PTPRG: variants seen among roughly 807,000 people sequenced by gnomAD.
PTPRG encodes the protein receptor-type tyrosine-protein phosphatase gamma.
Under a neutral mutation model 165.3 loss-of-function variants are expected in PTPRG, and 102 were observed. The ratio of observed to expected loss-of-function variants is 0.62; its 90% CI spans 0.53 to 0.73. PTPRG has a LOEUF of 0.73. Among genes scored for constraint, PTPRG ranks in the 30% least tolerant of loss-of-function variants. The pLI is 0.00. For synonymous variants in PTPRG, 675 were observed against 669.5 expected, an observed-to-expected ratio of 1.01 and a Z score of -0.13; for missense variants, 1,866 against 1,861.4, an observed-to-expected ratio of 1.00 and a Z score of -0.05.
chr3:61,841,829 C>T (rs1309792643), intron 2 of PTPRG, among the ~76,000 whole-genome samples: 1 of 139,912 alleles, frequency 7.1e-6, no homozygotes, highest in East Asian at 1.9e-4. Context: ...AAAACAAAAA[C>T]AAAACAAAAC....
intron 5 of PTPRG, among the ~76,000 whole-genome samples, chr3:62,132,303 T>G (rs1336163684): frequency 6.6e-6 from 1 of 152,218 alleles, no homozygotes. Flanking sequence ...GGCCTACTTT[T>G]AATAAAACAA....
intron 2 of PTPRG, among the ~76,000 whole-genome samples, chr3:61,931,629 CT>C (rs1421031689): frequency 2.6e-5 from 4 of 152,182 alleles, no homozygotes; most frequent in African/African-American, 9.7e-5. Flanking sequence ...CTAACCTTGA[CT>C]TTACTAATTT....
chr3:61,944,694 A>T lies in PTPRG; in HGVS notation c.191-44931A>T, dbSNP rs78425946. Among the ~76,000 whole-genome samples, 112 of 152,174 alleles carry T rather than the reference A, an allele frequency of 7.4e-4. 1 individual carries two copies. Among genetic ancestry groups the T allele is most frequent in the East Asian group, 7.0e-3 (36 of 5,176 alleles). On this transcript the variant is annotated intron_variant, in intron 2 of 29. Coordinates refer to ENST00000474889, the MANE Select transcript of PTPRG (RefSeq NM_002841.4). ...GTCAAAGTATAATCTTGAAAAAAAA[A>T]TTTTCTTTTTCAATTTTAATATAGT...
intron 2 of PTPRG, among the ~76,000 whole-genome samples, chr3:61,969,151 C>T (rs1323613556): frequency 6.6e-6 from 1 of 152,164 alleles, no homozygotes; most frequent in African/African-American, 2.4e-5. Context: ...TACAGGCCAA[C>T]TGCCTGGCTC....
At chr3:61,739,638 A>T (rs926907934) in intron 1 of PTPRG, among the ~76,000 whole-genome samples, 1 of 152,226 alleles carries the variant, frequency 6.6e-6, no homozygotes, top group South Asian at 2.1e-4. Context: ...TACCTAAGCT[A>T]CAGGACTACT....
chr3:62,039,180 C>T (rs1352944185), intron 4 of PTPRG, among the ~76,000 whole-genome samples: 1 of 151,776 alleles, frequency 6.6e-6, no homozygotes, highest in Non-Finnish European at 1.5e-5. Context: ...AGTGATCTGC[C>T]TGCCTTGGCC....
At position 62,224,363 on chromosome 3, in the gene PTPRG, G is replaced by C. The variant is rs1330941597; in HGVS notation, c.2288+5380G>C. Among the ~76,000 whole-genome samples the C allele has an allele frequency of 2.0e-5, 3 of 152,190 alleles. No homozygotes were observed. The highest frequency in any genetic ancestry group is 7.2e-5 in the African/African-American group (3 of 41,444). On this transcript the variant is annotated intron_variant, in intron 13 of 29. Coordinates refer to ENST00000474889, the MANE Select transcript of PTPRG (RefSeq NM_002841.4). The surrounding 1 kb of genome is among the most constrained non-coding windows in gnomAD (Gnocchi z 4.9). ...GTTGAGCCGCCCTCCTCCACCAGTGGTTTCTCTTTCTGGAACACATATCTC... is the reference window on the plus strand; with the variant it reads ...GTTGAGCCGCCCTCCTCCACCAGTGCTTTCTCTTTCTGGAACACATATCTC...
At chr3:62,051,338 C>T (rs1393631286) in intron 4 of PTPRG, among the ~76,000 whole-genome samples, 1 of 152,234 alleles carries the variant, frequency 6.6e-6, no homozygotes, top group Non-Finnish European at 1.5e-5. Context: ...ATCAGCATTT[C>T]TGGCATGGGA....
intron 1 of PTPRG, among the ~76,000 whole-genome samples, chr3:61,601,900 T>C (rs1418511952): frequency 6.6e-6 from 1 of 152,180 alleles, no homozygotes; most frequent in Admixed American, 6.5e-5. Flanking sequence ...AGTTAAAAGT[T>C]AGGAGCAGAG....
rs139569309 is a variant in PTPRG at position 62,198,510 on chromosome 3, A to G, written c.1328-2995A>G. On this transcript the variant is annotated intron_variant, in intron 10 of 29. Transcript: ENST00000474889. ...ACAGTCATGGAAAATGGGGGTTTAT[A>G]TGCTTCTTCTCTGAGCCACAGACTC... is the stretch of plus-strand genomic sequence containing the variant. Among the ~76,000 whole-genome samples the G allele has an allele frequency of 5.8e-3, 890 of 152,308 alleles. 7 individuals carry two copies. Among genetic ancestry groups the G allele is most frequent in the African/African-American group, 0.02 (819 of 41,562 alleles).
chr3:61,732,592 C>T (rs1198739805), intron 1 of PTPRG, among the ~76,000 whole-genome samples: 3 of 150,690 alleles, frequency 2.0e-5, no homozygotes, highest in Admixed American at 2.0e-4. Flanking sequence ...ACCTGTAGTC[C>T]CAGCTACTCG....
At chr3:62,157,561 T>A (rs886237192) in intron 7 of PTPRG, among the ~76,000 whole-genome samples, 6 of 152,230 alleles carry the variant, frequency 3.9e-5, no homozygotes, top group South Asian at 2.1e-4. Flanking sequence ...TTATAAATGT[T>A]GACCCATTTC....
At chr3:62,122,279 T>C (rs1031490988) in intron 5 of PTPRG, among the ~76,000 whole-genome samples, 8 of 152,192 alleles carry the variant, frequency 5.3e-5, no homozygotes, top group Non-Finnish European at 8.8e-5. Flanking sequence ...GTTTATTTCA[T>C]AGAGGATGAT....
intron 1 of PTPRG, among the ~76,000 whole-genome samples, chr3:61,705,903 T>G (rs2031225992): frequency 6.6e-6 from 1 of 152,200 alleles, no homozygotes; most frequent in South Asian, 2.1e-4. Flanking sequence ...GGCTGAAGAT[T>G]GTAGCAATAC....
At chr3:62,092,458 A>AAAAAAAG (rs1559496020) in intron 5 of PTPRG, among the ~76,000 whole-genome samples, 1 of 135,186 alleles carries the variant, frequency 7.4e-6, no homozygotes, top group Non-Finnish European at 1.5e-5. Context: ...AAAAAAAAAA[A>AAAAAAAG]AGAAAAAGAC....
chr3:62,128,262 T>G (rs1197867386), intron 5 of PTPRG, among the ~76,000 whole-genome samples: 1 of 152,162 alleles, frequency 6.6e-6, no homozygotes, highest in Non-Finnish European at 1.5e-5. Context: ...CATTTTAAGC[T>G]CATTTGTGCA....
At chr3:61,789,368 A>G (rs1262639750) in intron 2 of PTPRG, among the ~76,000 whole-genome samples, 1 of 152,172 alleles carries the variant, frequency 6.6e-6, no homozygotes, top group Non-Finnish European at 1.5e-5. Flanking sequence ...TCAGCCTCTC[A>G]AAGTGTTAGG....
intron 2 of PTPRG, among the ~76,000 whole-genome samples, chr3:61,862,989 A>C (rs2037313548): frequency 6.6e-6 from 1 of 152,212 alleles, no homozygotes; most frequent in Non-Finnish European, 1.5e-5. Flanking sequence ...CTAAACTCTC[A>C]TCTAGGTTTA....
chr3:62,001,113 G>A (rs1375677933), intron 3 of PTPRG, among the ~76,000 whole-genome samples: 1 of 152,140 alleles, frequency 6.6e-6, no homozygotes, highest in African/African-American at 2.4e-5. Flanking sequence ...ACAGTTCAAT[G>A]TTATCACTGG....
Sources: gnomAD v4.1 joint callset for allele counts (sites outside exome capture counted in the v4.1 genomes callset) on GRCh38, gnomAD v4.1.1 for gene constraint, Gnocchi (gnomAD v3.1) non-coding constraint, MANE v1.5 for transcripts, NCBI Gene and HGNC (gene_info 2026-07-23, HGNC 2026-07-21) for gene names.